ALK: variants seen among roughly 807,000 people sequenced by gnomAD.
The protein encoded by ALK is ALK tyrosine kinase receptor.
Under a neutral mutation model 163.1 loss-of-function variants are expected in ALK, and 74 were observed. That is an observed-to-expected ratio of 0.45 (90% CI 0.38 to 0.55). ALK has a LOEUF of 0.55. Ranked by LOEUF, ALK falls within the 20% of genes least tolerant of loss-of-function variation. The pLI is 0.00. For missense variants in ALK, 2,063 were observed against 2,105.3 expected, an observed-to-expected ratio of 0.98 and a Z score of 0.39; for synonymous variants, 960 against 843.2, an observed-to-expected ratio of 1.14 and a Z score of -2.40.
intron 1 of ALK, among the ~76,000 whole-genome samples, chr2:29,854,857 C>T (rs1456238508): frequency 2.6e-5 from 4 of 152,174 alleles, no homozygotes; most frequent in Admixed American, 2.0e-4. Flanking sequence ...CATTGATGTG[C>T]GTGCATACTT....
At position 29,830,997 on chromosome 2, in the gene ALK, GAAGAA is replaced by G. The variant is rs1558508398; in HGVS notation, c.667+88991_667+88995del. Among the ~76,000 whole-genome samples, 93 of 54,958 alleles carry G rather than the reference GAAGAA, an allele frequency of 1.7e-3. 3 individuals are homozygous for G. Among genetic ancestry groups the G allele is most frequent in the African/African-American group, 4.1e-3 (74 of 18,104 alleles). The allele number at this position is 54,958 out of a possible 152,430, so 36.1% of individuals were successfully genotyped here. On this transcript the variant is annotated intron_variant, in intron 1 of 28. Coordinates refer to ENST00000389048, the MANE Select transcript of ALK (RefSeq NM_004304.5). ...AGAAGAAGAAGAAGAAGAAGAAGAA[GAAGAA>G]GAAGAAGAAGGGGAAGAGGAAGGGG...
chr2:29,638,214 G>C (rs779388384), intron 3 of ALK, among the ~76,000 whole-genome samples: 1 of 152,180 alleles, frequency 6.6e-6, no homozygotes, highest in African/African-American at 2.4e-5. Flanking sequence ...GCATGACCAT[G>C]GGGACCTGCA....
intron 3 of ALK, among the ~76,000 whole-genome samples, chr2:29,626,654 A>T (rs140448329): frequency 2.0e-5 from 3 of 152,294 alleles, no homozygotes; most frequent in African/African-American, 7.2e-5. Context: ...TCCCCTCCCC[A>T]TGTGAGGACA....
At chr2:29,290,460 G>A (rs72852086) in intron 9 of ALK, among the ~76,000 whole-genome samples, 2 of 152,206 alleles carry the variant, frequency 1.3e-5, no homozygotes, top group Admixed American at 1.3e-4. Context: ...TTTTCCTGAG[G>A]TGGAGTTAGA....
Position 29,313,191 on chromosome 2 carries a change from C to T in ALK, c.1647+5113G>A, listed in dbSNP as rs139080565. Reference sequence around the variant, plus strand: ...AGGGGAAGTGTGCAATATTCTTCTCCCTAGATGGTCATCCGTTCTATGCAG... The same window carrying T: ...AGGGGAAGTGTGCAATATTCTTCTCTCTAGATGGTCATCCGTTCTATGCAG... On this transcript the variant is annotated intron_variant, in intron 8 of 28. Coordinates refer to ENST00000389048, the MANE Select transcript of ALK (RefSeq NM_004304.5). Among the ~76,000 whole-genome samples the T allele has an allele frequency of 2.2e-4, 34 of 152,252 alleles. No homozygotes were observed. The East Asian group carries it at 6.2e-3, about 28-fold the overall frequency.
chr2:29,546,632 G>A (rs941879928), intron 3 of ALK, among the ~76,000 whole-genome samples: 10 of 152,172 alleles, frequency 6.6e-5, no homozygotes, highest in African/African-American at 1.4e-4. Flanking sequence ...CCTTTCCCAC[G>A]TGGGTTTTTT....
chr2:29,920,173 C>A lies in ALK; in HGVS notation c.487G>T (p.Val163Leu), dbSNP rs55697431. Residue 163 changes from valine to leucine, a missense_variant, in exon 1 of 29, where the codon GTG (valine) becomes TTG (leucine). This residue lies in a region of ALK where 987 missense variants were observed against 939.5 expected (regional missense o/e 1.05). Coordinates refer to ENST00000389048, the MANE Select transcript of ALK (RefSeq NM_004304.5). ...CTGAGATTGAACTGGAGCAGCCCCA[C>A]AGCCGCCTCCCCGGGGGGCCCGACG... ...GCVGPPGEAAVGLLQFNLSEL... is the reference protein window; with the variant it reads ...GCVGPPGEAALGLLQFNLSEL... The A allele has an allele frequency of 1.1e-4, 183 of 1,613,480 alleles. 1 individual carries two copies. In the East Asian group the frequency reaches 2.8e-3, roughly 25 times the overall value.
At chr2:29,641,446 G>C (rs553089057) in intron 3 of ALK, among the ~76,000 whole-genome samples, 1 of 152,284 alleles carries the variant, frequency 6.6e-6, no homozygotes, top group East Asian at 1.9e-4. Context: ...AGTACATTGT[G>C]AGTTGGATCT....
intron 3 of ALK, among the ~76,000 whole-genome samples, chr2:29,670,075 TG>T (rs1438096866): frequency 2.6e-5 from 4 of 152,112 alleles, no homozygotes; most frequent in Admixed American, 2.6e-4. Flanking sequence ...TACAGTATTA[TG>T]GGTTTATTTG....
At chr2:29,754,704 A>G (rs956171296) in intron 1 of ALK, among the ~76,000 whole-genome samples, 5 of 152,072 alleles carry the variant, frequency 3.3e-5, no homozygotes, top group African/African-American at 1.2e-4. Flanking sequence ...TAATAATAAT[A>G]ATAATAATAA....
At chr2:29,871,267 G>A (rs1254710024) in intron 1 of ALK, among the ~76,000 whole-genome samples, 1 of 152,070 alleles carries the variant, frequency 6.6e-6, no homozygotes, top group Non-Finnish European at 1.5e-5. Context: ...ACTAATCCAG[G>A]CTCTCCCGGG....
intron 1 of ALK, among the ~76,000 whole-genome samples, chr2:29,788,385 G>A (rs1664097895): frequency 6.6e-6 from 1 of 152,188 alleles, no homozygotes; most frequent in Admixed American, 6.5e-5. Context: ...AACCAGAGAG[G>A]TCTAGACAGA....
intron 3 of ALK, among the ~76,000 whole-genome samples, chr2:29,652,759 C>T (rs2148255022): frequency 6.6e-6 from 1 of 152,208 alleles, no homozygotes; most frequent in Admixed American, 6.5e-5. Flanking sequence ...GTTCAGAGAG[C>T]TTGTGGGTAG....
At chr2:29,489,190 T>G (rs548028614) in intron 4 of ALK, among the ~76,000 whole-genome samples, 86 of 152,368 alleles carry the variant, frequency 5.6e-4, no homozygotes, top group African/African-American at 1.9e-3. Flanking sequence ...CTTAGTTTTT[T>G]GACTTTCTAT....
intron 2 of ALK, among the ~76,000 whole-genome samples, chr2:29,708,386 G>T (rs1678976160): frequency 6.6e-6 from 1 of 152,180 alleles, no homozygotes; most frequent in African/African-American, 2.4e-5. Context: ...GATTTAAACA[G>T]GCAATGCAGA....
chr2:29,818,215 C>T (rs985428862), intron 1 of ALK, among the ~76,000 whole-genome samples: 1 of 152,166 alleles, frequency 6.6e-6, no homozygotes, highest in African/African-American at 2.4e-5. Flanking sequence ...ATACAAACAC[C>T]TGCATGGATG....
intron 25 of ALK, among the ~76,000 whole-genome samples, chr2:29,209,065 G>A (rs563635405): frequency 7.9e-5 from 12 of 152,284 alleles, no homozygotes; most frequent in Non-Finnish European, 1.2e-4. Context: ...CATCCTGCCC[G>A]ACCTGGGATG....
chr2:29,430,421 AG>A (rs1442504884), intron 4 of ALK, among the ~76,000 whole-genome samples: 14 of 152,242 alleles, frequency 9.2e-5, no homozygotes, highest in Admixed American at 6.5e-4. Context: ...TTTCTGTAAA[AG>A]GCCACATAGT....
chr2:29,208,262 G>A (rs929514265), intron 25 of ALK, among the ~76,000 whole-genome samples: 6 of 152,028 alleles, frequency 3.9e-5, no homozygotes, highest in African/African-American at 1.2e-4. Context: ...GAGAAAAGAC[G>A]CTCTCCCAGA....
Sources: allele counts gnomAD v4.1 joint callset (sites outside exome capture counted in the v4.1 genomes callset), GRCh38; gene constraint gnomAD v4.1.1; regional missense constraint gnomAD v4.1.1; transcripts MANE v1.5; gene names NCBI Gene and HGNC (gene_info 2026-07-23, HGNC 2026-07-21).